THSD4: variants seen among roughly 807,000 people sequenced by gnomAD.
THSD4 encodes thrombospondin type 1 domain containing 4.
A neutral mutation model predicts 119.0 loss-of-function variants in THSD4; 69 were observed. The ratio of observed to expected loss-of-function variants is 0.58; its 90% CI spans 0.48 to 0.71. The LOEUF (loss-of-function observed/expected upper bound fraction) is 0.71. THSD4 is among the 30% of genes least tolerant of loss of function. The pLI is 0.00. For missense variants in THSD4, 1,393 were observed against 1,391.1 expected (o/e 1.00, Z -0.02); for synonymous variants, 524 against 540.4 (o/e 0.97, Z 0.42).
chr15:71,628,854 G>C (rs2050559458), intron 7 of THSD4, among the ~76,000 whole-genome samples: 1 of 152,188 alleles, frequency 6.6e-6, no homozygotes. Context: ...GCACCAGCCA[G>C]GCATCCCCGG....
At chr15:71,494,591 C>T (rs2047981053) in intron 7 of THSD4, among the ~76,000 whole-genome samples, 1 of 151,780 alleles carries the variant, frequency 6.6e-6, no homozygotes, top group African/African-American at 2.4e-5. Flanking sequence ...GAAATACCTT[C>T]TGGATTCTTG....
chr15:71,605,591 CAG>C (rs1156353417), intron 7 of THSD4, among the ~76,000 whole-genome samples: 1 of 152,184 alleles, frequency 6.6e-6, no homozygotes, highest in Non-Finnish European at 1.5e-5. Flanking sequence ...TCAGCCTGAA[CAG>C]GGGGAAGGAT....
chr15:71,546,996 A>G (rs918744084), intron 7 of THSD4, among the ~76,000 whole-genome samples: 1 of 152,158 alleles, frequency 6.6e-6, no homozygotes, highest in South Asian at 2.1e-4. Flanking sequence ...TCCTGCTGCA[A>G]TTCACTGCCT....
chr15:71,732,917 G>A (rs2053010444), intron 10 of THSD4: 1 of 152,198 alleles, frequency 6.6e-6, no homozygotes, highest in African/African-American at 2.4e-5. Flanking sequence ...AGACTGGGGA[G>A]GACAACAGCT....
intron 8 of THSD4, among the ~76,000 whole-genome samples, chr15:71,702,136 G>C (rs1332423505): frequency 5.3e-5 from 8 of 152,096 alleles, no homozygotes; most frequent in African/African-American, 1.9e-4. Flanking sequence ...GCTCCCATCT[G>C]CTTGCTCTTC....
At chr15:71,403,945 G>A (rs746849494) in intron 6 of THSD4, among the ~76,000 whole-genome samples, 1 of 152,172 alleles carries the variant, frequency 6.6e-6, no homozygotes, top group Non-Finnish European at 1.5e-5. Context: ...TTGATTGTAA[G>A]TAGGGAAAGA....
intron 1 of THSD4, among the ~76,000 whole-genome samples, chr15:71,125,050 G>T (rs2040441581): frequency 6.6e-6 from 1 of 151,998 alleles, no homozygotes; most frequent in Non-Finnish European, 1.5e-5. Context: ...ATCCAACCTG[G>T]GTGACAGAGT....
intron 3 of THSD4, among the ~76,000 whole-genome samples, chr15:71,190,363 C>T (rs1171496856): frequency 6.6e-6 from 1 of 152,158 alleles, no homozygotes; most frequent in African/African-American, 2.4e-5. Context: ...ATTAGAATCA[C>T]CTAGGAAATT....
chr15:71,415,014 T>C (rs1235756490), intron 7 of THSD4, among the ~76,000 whole-genome samples: 2 of 152,238 alleles, frequency 1.3e-5, no homozygotes, highest in Non-Finnish European at 2.9e-5. Flanking sequence ...TTTCTAAATA[T>C]TTGATTGGAT....
chr15:71,470,790 C>T lies in THSD4; in HGVS notation c.1152+58967C>T, dbSNP rs909876024. 9.2e-5 allele frequency among the ~76,000 whole-genome samples: 14 copies of T among 151,886 alleles called. No homozygotes were observed. The East Asian group carries it at 9.7e-4, about 11-fold the overall frequency. Reference sequence around the variant, plus strand: ...AGCTGGGACTACAGGCGCCCGCCACCGCGCCCGGCTAATTTTTTGTATTTT... The same window carrying T: ...AGCTGGGACTACAGGCGCCCGCCACTGCGCCCGGCTAATTTTTTGTATTTT... On this transcript the variant is annotated intron_variant, in intron 7 of 17. Transcript: ENST00000261862.
At chr15:71,481,030 C>T (rs1343731433) in intron 7 of THSD4, among the ~76,000 whole-genome samples, 2 of 152,118 alleles carry the variant, frequency 1.3e-5, no homozygotes, top group African/African-American at 4.8e-5. Flanking sequence ...CCAGACCACC[C>T]TTGTTAGACT....
intron 7 of THSD4, among the ~76,000 whole-genome samples, chr15:71,490,591 G>A (rs1347510535): frequency 6.8e-6 from 1 of 146,484 alleles, no homozygotes; most frequent in Non-Finnish European, 1.5e-5. Flanking sequence ...CATTAGCCAG[G>A]CATGGTGGTG....
At chr15:71,160,391 G>C (rs1054193078) in intron 3 of THSD4, among the ~76,000 whole-genome samples, 22 of 151,408 alleles carry the variant, frequency 1.5e-4, no homozygotes, top group East Asian at 9.7e-4. Context: ...AAGAGAATTG[G>C]TATTGAGTCT....
chr15:71,278,135 G>A (rs1333984165), intron 6 of THSD4, among the ~76,000 whole-genome samples: 1 of 152,188 alleles, frequency 6.6e-6, no homozygotes, highest in Non-Finnish European at 1.5e-5. Context: ...ACAGGGAGAA[G>A]TCCCACATTT....
At chr15:71,288,066 G>A (rs965623074) in intron 6 of THSD4, among the ~76,000 whole-genome samples, 5 of 152,134 alleles carry the variant, frequency 3.3e-5, no homozygotes, top group African/African-American at 1.2e-4. Context: ...TACTGCAGAT[G>A]TTCTAGTTTG....
At chr15:71,584,402 G>GATTACA in intron 7 of THSD4, among the ~76,000 whole-genome samples, 1 of 150,968 alleles carries the variant, frequency 6.6e-6, no homozygotes, top group African/African-American at 2.4e-5. Flanking sequence ...CTAAGTAGCT[G>GATTACA]GGATTACAGG....
chr15:71,438,928 G>A (rs2047052131), intron 7 of THSD4, among the ~76,000 whole-genome samples: 1 of 152,168 alleles, frequency 6.6e-6, no homozygotes, highest in Non-Finnish European at 1.5e-5. Context: ...ATTGAAAAAT[G>A]AATATTCTAT....
intron 6 of THSD4, among the ~76,000 whole-genome samples, chr15:71,301,138 GT>G (rs2044942881): frequency 6.6e-6 from 1 of 152,000 alleles, no homozygotes; most frequent in South Asian, 2.1e-4. Flanking sequence ...GTTGTTTGTT[GT>G]TCAGCAGAAA....
intron 6 of THSD4, among the ~76,000 whole-genome samples, chr15:71,273,043 G>A (rs141638332): frequency 1.9e-3 from 286 of 152,230 alleles, no homozygotes; most frequent in Non-Finnish European, 3.1e-3. Flanking sequence ...CCACTTCTGG[G>A]TATATAGCCA....
Sources: allele counts gnomAD v4.1 joint callset (sites outside exome capture counted in the v4.1 genomes callset), GRCh38; gene constraint gnomAD v4.1.1; transcripts MANE v1.5; gene names NCBI Gene and HGNC (gene_info 2026-07-23, HGNC 2026-07-21).